Variants in FOXN1 observed in about 807,000 individuals in gnomAD.
FOXN1 encodes the protein forkhead box N1.
In FOXN1, 15 loss-of-function variants were observed where a neutral mutation model predicts 49.0. The observed-to-expected ratio is 0.31, with a 90% CI of 0.20 to 0.47. FOXN1 has a LOEUF of 0.47. FOXN1 is among the 20% of genes least tolerant of loss of function. The pLI, the probability that FOXN1 is intolerant of heterozygous loss-of-function variation, is 1.00. For missense variants in FOXN1, 800 were observed against 842.8 expected (o/e 0.95, Z 0.63); for synonymous variants, 356 against 369.0 (o/e 0.96, Z 0.40).
Position 28,530,732 on chromosome 17 carries a change from GC to G in FOXN1, c.831-16del. On this transcript the variant is annotated splice_polypyrimidine_tract_variant and intron_variant, in intron 5 of 8. Transcript: ENST00000579795. ...CAGTCAGAGGTTCGGACTCTCAGGG[GC>G]TTTCTCTTTCTTCAGCATCCTCATC... 1 of 1,501,666 alleles carries G rather than the reference GC, an allele frequency of 6.7e-7. No individual in the cohort carries two copies. The highest frequency in any genetic ancestry group is 1.4e-5 in the African/African-American group (1 of 72,872). 93.0% of individuals were successfully genotyped at this position (1,501,666 alleles called of 1,614,324 possible).
intron 6 of FOXN1, among the ~76,000 whole-genome samples, chr17:28,531,399 C>A (rs1032410318): frequency 6.6e-6 from 1 of 152,130 alleles, no homozygotes; most frequent in African/African-American, 2.4e-5. Context: ...TGACTCTCCC[C>A]CAACCCCTTG....
At chr17:28,516,132 C>T (rs772275245) in intron 1 of FOXN1, among the ~76,000 whole-genome samples, 102 of 149,494 alleles carry the variant, frequency 6.8e-4, no homozygotes, top group Non-Finnish European at 8.1e-4. Context: ...AGGATCCTTA[C>T]ATCCACAGGG....
intron 1 of FOXN1, among the ~76,000 whole-genome samples, chr17:28,510,796 G>C (rs2047784802): frequency 6.6e-6 from 1 of 152,204 alleles, no homozygotes; most frequent in South Asian, 2.1e-4. Flanking sequence ...AGGTGGCTCT[G>C]CTTCTCTGTG....
intron 1 of FOXN1, among the ~76,000 whole-genome samples, chr17:28,521,977 C>T (rs1292027419): frequency 1.3e-5 from 2 of 152,190 alleles, no homozygotes; most frequent in South Asian, 2.1e-4. Context: ...TGAGTGTACA[C>T]CTCATGCTTT....
At chr17:28,532,172 C>A (rs964999348) in intron 6 of FOXN1, among the ~76,000 whole-genome samples, 12 of 152,158 alleles carry the variant, frequency 7.9e-5, no homozygotes, top group Non-Finnish European at 1.5e-4. Context: ...CTGGCCCCCA[C>A]CCCTCCCCGC....
Position 28,529,102 on chromosome 17 carries a change from A to G in FOXN1, c.708A>G (p.Pro236=). The change falls in exon 5 of 9, where the codon CCA becomes CCG. Residue 236 remains proline, a synonymous_variant. Coordinates refer to ENST00000579795, the MANE Select transcript of FOXN1 (RefSeq NM_001369369.1). ...SSQPPFHQYS[P]GGGSYPIPYL... ...CCTTTTGACCTCCTCAGTACTCGCCAGGTGGTGGCAGCTACCCCATACCCT... is the reference window on the plus strand; with the variant it reads ...CCTTTTGACCTCCTCAGTACTCGCCGGGTGGTGGCAGCTACCCCATACCCT... 1 of 1,614,130 alleles carries G rather than the reference A, an allele frequency of 6.2e-7. No individual in the cohort carries two copies. The highest frequency in any genetic ancestry group is 8.5e-7 in the Non-Finnish European group (1 of 1,180,010).
rs1293282384 is a variant in FOXN1, at chr17:28,538,545, T to A, written c.*1109T>A. On this transcript the variant is annotated 3_prime_UTR_variant, in exon 9 of 9. Coordinates refer to ENST00000579795, the MANE Select transcript of FOXN1 (RefSeq NM_001369369.1). Reference sequence around the variant, plus strand: ...CTCCGGATGTAGCCCCATCATAAGTTGAGGAGCACCTGTTAGTTACTTCCA... The same window carrying A: ...CTCCGGATGTAGCCCCATCATAAGTAGAGGAGCACCTGTTAGTTACTTCCA... The A allele has an allele frequency of 1.3e-5, 2 of 152,214 alleles. No homozygotes were observed. The highest frequency in any genetic ancestry group is 1.3e-4 in the Admixed American group (2 of 15,282). The allele number at this position is 152,214 out of a possible 1,614,324, so 9.4% of individuals were successfully genotyped here.
At chr17:28,523,889 T>C in intron 1 of FOXN1, 67 bp from the exon 2 acceptor site, 1 of 1,530,744 alleles carries the variant, frequency 6.5e-7, no homozygotes, top group South Asian at 1.1e-5. Context: ...GGGGTGGAGG[T>C]GGCGAACCTG....
chr17:28,528,225 G>T (rs1037281709), intron 4 of FOXN1, among the ~76,000 whole-genome samples: 3 of 152,348 alleles, frequency 2.0e-5, no homozygotes, highest in African/African-American at 7.2e-5. Flanking sequence ...GGGAAGCAAA[G>T]AGAAGGCATG....
intron 3 of FOXN1, 69 bp downstream of exon 3, chr17:28,525,036 C>A: frequency 1.6e-6 from 2 of 1,268,196 alleles, no homozygotes; most frequent in Non-Finnish European, 2.2e-6. Context: ...TAGAAAGAGT[C>A]AGACCTCTGA....
chr17:28,512,046 G>A (rs571601251), intron 1 of FOXN1, among the ~76,000 whole-genome samples: 21 of 152,274 alleles, frequency 1.4e-4, no homozygotes, highest in East Asian at 5.8e-4. Context: ...TAGGACTTCC[G>A]GGCCACAGGG....
intron 1 of FOXN1, among the ~76,000 whole-genome samples, chr17:28,512,686 T>C (rs2069417622): frequency 6.6e-6 from 1 of 152,192 alleles, no homozygotes; most frequent in Admixed American, 6.5e-5. Context: ...GAACTGGGAA[T>C]TCCCCTCCCC....
chr17:28,524,939 C>T lies in FOXN1; in HGVS notation c.560C>T (p.Pro187Leu). 6.2e-7 allele frequency: 1 copy of T among 1,612,018 alleles called. No homozygotes were observed. Among genetic ancestry groups the T allele is most frequent in the Non-Finnish European group, 8.5e-7 (1 of 1,179,932 alleles). Residue 187 changes from proline to leucine, a missense_variant, in exon 3 of 9, where the codon CCC (proline) becomes CTC (leucine). Transcript: ENST00000579795. ...GCCTGGTGTAACGGGCTCCCCTACC[C>T]CAGCCAGGAGCATGGCCCCCAAGTC... ...AEAWCNGLPY[P>L]SQEHGPQVLG...
intron 1 of FOXN1, among the ~76,000 whole-genome samples, chr17:28,522,947 A>G (rs1029457266): frequency 7.2e-5 from 11 of 152,142 alleles, no homozygotes; most frequent in African/African-American, 2.4e-4. Flanking sequence ...CTTTCTGCGC[A>G]TGATTTTGTT....
At chr17:28,509,316 A>C (rs2069336558) in intron 1 of FOXN1, among the ~76,000 whole-genome samples, 2 of 134,892 alleles carry the variant, frequency 1.5e-5, no homozygotes, top group Admixed American at 7.8e-5. Context: ...CCCCCTTCCT[A>C]CTCATCCCCG....
At chr17:28,527,395 G>T (rs1396771589) in intron 4 of FOXN1, 34 bp downstream of exon 4, 1 of 1,220,190 alleles carries the variant, frequency 8.2e-7, no homozygotes, top group African/African-American at 1.5e-5. Context: ...GCTTCCCCCA[G>T]GTCTGAGGAT....
At chr17:28,533,097 G>C (rs1283345884) in intron 6 of FOXN1, among the ~76,000 whole-genome samples, 4 of 152,230 alleles carry the variant, frequency 2.6e-5, no homozygotes, top group Non-Finnish European at 5.9e-5. Flanking sequence ...GCCACTTGGA[G>C]TGACGCTGGC....
In FOXN1 at chr17:28,534,175, C is replaced by T. The variant is rs556117451; in HGVS notation, c.928-156C>T. ...CCCGTCCCCTACCACCAAAGGGTAC[C>T]AAGCAAGGGATGGGTGCTGAGGAGG... On this transcript the variant is annotated intron_variant, in intron 6 of 8. Transcript: ENST00000579795. This position sits in a 1 kb window ranked among gnomAD's most constrained non-coding sequence, Gnocchi z 4.1. Among the ~76,000 whole-genome samples, 1 of 152,282 alleles carries T rather than the reference C, an allele frequency of 6.6e-6. No individual in the cohort carries two copies. The highest frequency in any genetic ancestry group is 2.4e-5 in the African/African-American group (1 of 41,542).
chr17:28,529,821 G>A (rs990551002), intron 5 of FOXN1, among the ~76,000 whole-genome samples: 3 of 152,170 alleles, frequency 2.0e-5, no homozygotes, highest in African/African-American at 7.2e-5. Context: ...TGAGCTGAGG[G>A]GAAGGGAGAG....
Sources: allele counts gnomAD v4.1 joint callset (sites outside exome capture counted in the v4.1 genomes callset), GRCh38; gene constraint gnomAD v4.1.1; non-coding constraint Gnocchi (gnomAD v3.1); transcripts MANE v1.5; gene names NCBI Gene and HGNC (gene_info 2026-07-23, HGNC 2026-07-21).